DCLK2: variants seen among roughly 807,000 people sequenced by gnomAD.
DCLK2 encodes serine/threonine-protein kinase DCLK2.
Under a neutral mutation model 78.4 loss-of-function variants are expected in DCLK2, and 31 were observed. The ratio of observed to expected loss-of-function variants is 0.40; its 90% CI spans 0.30 to 0.53. The LOEUF is 0.53. DCLK2 is among the 20% of genes least tolerant of loss of function. DCLK2 has a pLI of 0.61. For synonymous variants in DCLK2, 407 were observed against 374.9 expected (o/e 1.09, Z -0.99); for missense variants, 872 against 973.7 (o/e 0.90, Z 1.39).
chr4:150,105,360 T>C (rs758729842), intron 2 of DCLK2, among the ~76,000 whole-genome samples: 5 of 151,332 alleles, frequency 3.3e-5, no homozygotes, highest in Non-Finnish European at 7.4e-5. Context: ...AATAAAAGTC[T>C]AAACAATTTG....
intron 15 of DCLK2, chr4:150,253,713 G>A: frequency 1.0e-6 from 1 of 985,404 alleles, no homozygotes; most frequent in Non-Finnish European, 1.2e-6. Context: ...AGCCAAGCAG[G>A]CCCCTGGAAA....
At position 150,232,512 on chromosome 4, in the gene DCLK2, G is replaced by A. The variant is rs934985475; in HGVS notation, c.1419+56G>A. ...TAGTCCCACAATTTACAACATCCTT[G>A]AAGGACCTAATCAGAAAAGTGTATT... On this transcript the variant is annotated intron_variant, in intron 9 of 15. Coordinates refer to ENST00000296550, the MANE Select transcript of DCLK2 (RefSeq NM_001040260.4). The A allele has an allele frequency of 1.6e-5, 26 of 1,596,010 alleles. No homozygotes were observed. The South Asian group carries it at 2.8e-4, about 17-fold the overall frequency.
intron 2 of DCLK2, among the ~76,000 whole-genome samples, chr4:150,107,975 A>T (rs901074078): frequency 2.6e-5 from 4 of 152,140 alleles, no homozygotes; most frequent in Non-Finnish European, 5.9e-5. Flanking sequence ...TGACTCAAAA[A>T]ATGAATGAAT....
At chr4:150,214,575 G>A (rs1400270902) in intron 5 of DCLK2, among the ~76,000 whole-genome samples, 5 of 152,122 alleles carry the variant, frequency 3.3e-5, no homozygotes, top group African/African-American at 1.2e-4. Flanking sequence ...ATATATGGCC[G>A]TTTTCATACT....
At position 150,101,559 on chromosome 4, in the gene DCLK2, T is replaced by TATGTCAAAACAAGTTTTGA. The variant is rs1157936403; in HGVS notation, c.422-919_422-918insATGTCAAAACAAGTTTTGA. Among the ~76,000 whole-genome samples, 4 of 152,118 alleles carry TATGTCAAAACAAGTTTTGA rather than the reference T, an allele frequency of 2.6e-5. No individual in the cohort carries two copies. In the East Asian group the frequency reaches 7.7e-4, roughly 29 times the overall value. On this transcript the variant is annotated intron_variant, in intron 1 of 15. Coordinates refer to ENST00000296550, the MANE Select transcript of DCLK2 (RefSeq NM_001040260.4). Reference sequence around the variant, plus strand: ...TTTTAGAAAAACCTTAGTATAACCCTCTTATCTTGTATGTCAAAAAGTCAA... The same window carrying TATGTCAAAACAAGTTTTGA: ...TTTTAGAAAAACCTTAGTATAACCCTATGTCAAAACAAGTTTTGACTTATCTTGTATGTCAAAAAGTCAA...
At position 150,220,769 on chromosome 4, in the gene DCLK2, A is replaced by AGTCCTGAAG. The variant is rs1192417804; in HGVS notation, c.1126_1132+2dup. On this transcript the variant is annotated inframe_insertion, in exon 6 of 16. Coordinates refer to ENST00000296550, the MANE Select transcript of DCLK2 (RefSeq NM_001040260.4). ...TGGACCTGAGCTTGACCGTTGCATA[A>AGTCCTGAAG]GTCCTGAAGGTAGTTCTCAGTCTGA... The AGTCCTGAAG allele has an allele frequency of 2.5e-6, 4 of 1,613,308 alleles. No homozygotes were observed. The highest frequency in any genetic ancestry group is 1.7e-5 in the Admixed American group (1 of 59,972).
chr4:150,245,522 C>G (rs1044361771), intron 12 of DCLK2, among the ~76,000 whole-genome samples: 1 of 152,198 alleles, frequency 6.6e-6, no homozygotes, highest in Non-Finnish European at 1.5e-5. Context: ...TCCCCCTTCC[C>G]CTACCCCATG....
chr4:150,201,875 A>C (rs1371902253), intron 4 of DCLK2, among the ~76,000 whole-genome samples: 1 of 152,206 alleles, frequency 6.6e-6, no homozygotes, highest in Admixed American at 6.5e-5. Context: ...TGCCGGTCAT[A>C]ATCTCTCTTT....
chr4:150,112,103 G>A (rs987298290), intron 2 of DCLK2, among the ~76,000 whole-genome samples: 2 of 152,124 alleles, frequency 1.3e-5, no homozygotes, highest in Non-Finnish European at 2.9e-5. Flanking sequence ...AGCATGGTAT[G>A]TTTTTCCATC....
rs990881441 is a variant in DCLK2, at chr4:150,141,258, A to G, written c.756+38446A>G. ...TCCCCCAAATCGTGACTCATTTTCAAACTTGTGTTTGAAAAGCTTTGTAAG... is the reference window on the plus strand; with the variant it reads ...TCCCCCAAATCGTGACTCATTTTCAGACTTGTGTTTGAAAAGCTTTGTAAG... On this transcript the variant is annotated intron_variant, in intron 2 of 15. Coordinates refer to ENST00000296550, the MANE Select transcript of DCLK2 (RefSeq NM_001040260.4). Among the ~76,000 whole-genome samples, 5 of 152,156 alleles carry G rather than the reference A, an allele frequency of 3.3e-5. No individual in the cohort carries two copies. The East Asian group carries it at 9.6e-4, about 29-fold the overall frequency.
At chr4:150,224,133 G>T (rs1474280365) in intron 7 of DCLK2, among the ~76,000 whole-genome samples, 1 of 152,072 alleles carries the variant, frequency 6.6e-6, no homozygotes, top group Non-Finnish European at 1.5e-5. Flanking sequence ...ATTTATGAAA[G>T]AATATTTAAT....
intron 15 of DCLK2, among the ~76,000 whole-genome samples, chr4:150,251,774 C>T (rs1169908613): frequency 1.4e-5 from 2 of 144,424 alleles, no homozygotes; most frequent in South Asian, 2.4e-4. Flanking sequence ...CCCACACACC[C>T]CACGAGCATG....
chr4:150,254,396 C>T, intron 15 of DCLK2: 1 of 399,132 alleles, frequency 2.5e-6, no homozygotes, highest in Non-Finnish European at 4.4e-6. Context: ...TCTGCCTCTC[C>T]CGCCGCCTGC....
At chr4:150,185,443 C>T (rs1737857132) in intron 2 of DCLK2, among the ~76,000 whole-genome samples, 1 of 151,330 alleles carries the variant, frequency 6.6e-6, no homozygotes, top group Admixed American at 6.6e-5. Flanking sequence ...AATCAGACCT[C>T]GCCTGGCATG....
intron 2 of DCLK2, among the ~76,000 whole-genome samples, chr4:150,154,492 C>T (rs1397731175): frequency 6.6e-6 from 1 of 152,312 alleles, no homozygotes; most frequent in Non-Finnish European, 1.5e-5. Flanking sequence ...CATACCTGGA[C>T]ACTTCATTTT....
chr4:150,131,804 C>A (rs566803052), intron 2 of DCLK2, among the ~76,000 whole-genome samples: 4 of 152,078 alleles, frequency 2.6e-5, no homozygotes, highest in African/African-American at 4.8e-5. Flanking sequence ...TGTGTGCTGC[C>A]CTTCCCTGAC....
intron 2 of DCLK2, among the ~76,000 whole-genome samples, chr4:150,106,518 G>A (rs1731266525): frequency 6.6e-6 from 1 of 151,700 alleles, no homozygotes; most frequent in Admixed American, 6.6e-5. Flanking sequence ...GTACAAAATT[G>A]TAAACTGTCT....
At chr4:150,192,122 A>T (rs1738497030) in intron 2 of DCLK2, among the ~76,000 whole-genome samples, 1 of 152,180 alleles carries the variant, frequency 6.6e-6, no homozygotes, top group Admixed American at 6.5e-5. Flanking sequence ...GCTCCCTGGG[A>T]TAGATCCAGG....
intron 2 of DCLK2, among the ~76,000 whole-genome samples, chr4:150,186,894 A>ATGTGTGTGTGTG (rs10683241): frequency 3.8e-4 from 56 of 147,598 alleles, no homozygotes; most frequent in Non-Finnish European, 7.0e-4. Context: ...CTATCTCAAA[A>ATGTGTGTGTGTG]TGTGTGTGTG....
Sources: allele counts gnomAD v4.1 joint callset (sites outside exome capture counted in the v4.1 genomes callset), GRCh38; gene constraint gnomAD v4.1.1; transcripts MANE v1.5; gene names NCBI Gene and HGNC (gene_info 2026-07-23, HGNC 2026-07-21).